The following PDE1C variants were observed in gnomAD, a reference collection of about 807,000 sequenced individuals.
The protein encoded by PDE1C is phosphodiesterase 1C, also known as dual specificity calcium/calmodulin-dependent 3',5'-cyclic nucleotide phosphodiesterase 1C.
In PDE1C, 62 loss-of-function variants were observed where a neutral mutation model predicts 93.1. The ratio of observed to expected loss-of-function variants is 0.67; its 90% CI spans 0.54 to 0.82. PDE1C has a LOEUF of 0.82. Among genes scored for constraint, PDE1C ranks in the 40% least tolerant of loss-of-function variants. PDE1C has a pLI of 0.00. For missense variants in PDE1C, 742 were observed against 884.6 expected (o/e 0.84, Z 2.04); for synonymous variants, 325 against 310.1 (o/e 1.05, Z -0.50).
At chr7:32,167,446 G>A (rs1428141186) in intron 3 of PDE1C, among the ~76,000 whole-genome samples, 8 of 152,102 alleles carry the variant, frequency 5.3e-5, no homozygotes, top group Admixed American at 5.2e-4. Context: ...CCACAGAGAG[G>A]AGTCATCACA....
At chr7:32,228,386 C>T (rs1807448053) in intron 1 of PDE1C, among the ~76,000 whole-genome samples, 1 of 152,108 alleles carries the variant, frequency 6.6e-6, no homozygotes, top group African/African-American at 2.4e-5. Flanking sequence ...CCTGCATAGT[C>T]CTTGAATATT....
At chr7:32,246,847 C>A (rs1444116496) in intron 1 of PDE1C, among the ~76,000 whole-genome samples, 1 of 152,142 alleles carries the variant, frequency 6.6e-6, no homozygotes, top group African/African-American at 2.4e-5. Flanking sequence ...CAATACATAG[C>A]ATGTAAGATG....
intron 3 of PDE1C, among the ~76,000 whole-genome samples, chr7:32,091,560 A>G (rs1489860885): frequency 6.6e-6 from 1 of 152,234 alleles, no homozygotes; most frequent in Non-Finnish European, 1.5e-5. Flanking sequence ...CAGCCGGATC[A>G]TTAGAGGCTG....
At chr7:31,795,425 G>A (rs985482167) in intron 16 of PDE1C, among the ~76,000 whole-genome samples, 1 of 151,504 alleles carries the variant, frequency 6.6e-6, no homozygotes, top group African/African-American at 2.4e-5. Context: ...TCAGTATTAA[G>A]GAAAAAAGAA....
At chr7:32,162,444 G>T (rs1801980670) in intron 3 of PDE1C, among the ~76,000 whole-genome samples, 1 of 152,134 alleles carries the variant, frequency 6.6e-6, no homozygotes. Context: ...GAAATGTATT[G>T]GAGTAAAATC....
upstream of PDE1C, among the ~76,000 whole-genome samples, chr7:32,303,097 G>A (rs1422410094): frequency 6.6e-6 from 1 of 152,198 alleles, no homozygotes; most frequent in Non-Finnish European, 1.5e-5. Flanking sequence ...AATAGGAATT[G>A]TGAGAGGTAA....
the PDE1C span, among the ~76,000 whole-genome samples, chr7:31,729,923 T>G: frequency 6.6e-6 from 1 of 152,106 alleles, no homozygotes; most frequent in African/African-American, 2.4e-5. Flanking sequence ...ACACGTGGTA[T>G]AACAGGGAAC....
chr7:32,117,033 C>G (rs563435912), intron 3 of PDE1C, among the ~76,000 whole-genome samples: 12 of 152,304 alleles, frequency 7.9e-5, no homozygotes, highest in Admixed American at 2.0e-4. Flanking sequence ...TGAAAAATCT[C>G]TACCTCTTGG....
chr7:31,735,448 A>C, the PDE1C span, among the ~76,000 whole-genome samples: 2 of 151,232 alleles, frequency 1.3e-5, no homozygotes. Flanking sequence ...AAGTGTCATG[A>C]GGGCAGTATA....
intron 1 of PDE1C, among the ~76,000 whole-genome samples, chr7:32,399,957 G>A (rs555602029): frequency 7.2e-5 from 11 of 152,192 alleles, no homozygotes; most frequent in Non-Finnish European, 1.3e-4. Flanking sequence ...TTAGGGCTTC[G>A]ACATACAAAT....
chr7:31,693,025 A>G, the PDE1C span, among the ~76,000 whole-genome samples: 12 of 148,404 alleles, frequency 8.1e-5, no homozygotes, highest in South Asian at 8.8e-4. Context: ...TGAAAATACC[A>G]GAAACATTTC....
intron 1 of PDE1C, among the ~76,000 whole-genome samples, chr7:32,226,411 G>A (rs1468868580): frequency 1.3e-5 from 2 of 152,220 alleles, no homozygotes; most frequent in African/African-American, 4.8e-5. Flanking sequence ...GAATTTTAAT[G>A]TTTTAATCTC....
At chr7:32,400,612 C>G (rs1288760490) in intron 1 of PDE1C, among the ~76,000 whole-genome samples, 3 of 152,222 alleles carry the variant, frequency 2.0e-5, no homozygotes, top group Non-Finnish European at 1.5e-5. Flanking sequence ...TCTCCTGGAG[C>G]TGGTGTTCCT....
chr7:31,947,399 T>G (rs1238947804), intron 2 of PDE1C, among the ~76,000 whole-genome samples: 1 of 152,212 alleles, frequency 6.6e-6, no homozygotes, highest in East Asian at 1.9e-4. Context: ...CAAATAAAAT[T>G]AAACATCATA....
chr7:31,694,865 GTAAA>G, the PDE1C span, among the ~76,000 whole-genome samples: 1 of 152,160 alleles, frequency 6.6e-6, no homozygotes, highest in African/African-American at 2.4e-5. Flanking sequence ...ATTGAGAAAA[GTAAA>G]TAAATGAGTC....
chr7:31,627,985 G>T, the PDE1C span, among the ~76,000 whole-genome samples: 1 of 152,102 alleles, frequency 6.6e-6, no homozygotes, highest in Non-Finnish European at 1.5e-5. Context: ...GGGATTCAAG[G>T]AACCAACAAG....
chr7:31,644,572 G>A, the PDE1C span, among the ~76,000 whole-genome samples: 346 of 152,306 alleles, frequency 2.3e-3, no homozygotes, highest in African/African-American at 7.9e-3. Flanking sequence ...GTCAAATAGA[G>A]GGGCTTTTGG....
At chr7:32,165,197 T>A (rs560764695) in intron 3 of PDE1C, among the ~76,000 whole-genome samples, 2 of 152,188 alleles carry the variant, frequency 1.3e-5, no homozygotes. Flanking sequence ...ATGTGTAGGC[T>A]TCAAGGGCAT....
chr7:31,745,844 T>C, the PDE1C span, among the ~76,000 whole-genome samples: 1 of 152,208 alleles, frequency 6.6e-6, no homozygotes, highest in African/African-American at 2.4e-5. Context: ...TGTCTGGTGA[T>C]ATTTATGTCT....
Sources: allele counts gnomAD v4.1 joint callset (sites outside exome capture counted in the v4.1 genomes callset), GRCh38; gene constraint gnomAD v4.1.1; transcripts MANE v1.5; gene names NCBI Gene and HGNC (gene_info 2026-07-23, HGNC 2026-07-21).